HPS1: variants seen among roughly 807,000 people sequenced by gnomAD.
HPS1 encodes BLOC-3 complex member HPS1.
A neutral mutation model predicts 90.6 loss-of-function variants in HPS1; 59 were observed. The ratio of observed to expected loss-of-function variants is 0.65; its 90% CI spans 0.53 to 0.81. The LOEUF (loss-of-function observed/expected upper bound fraction) is 0.81. Ranked by LOEUF, HPS1 falls within the 30% of genes least tolerant of loss-of-function variation. The pLI is 0.00. For missense variants in HPS1, 849 were observed against 896.7 expected, an observed-to-expected ratio of 0.95 and a Z score of 0.68; for synonymous variants, 388 against 384.4, an observed-to-expected ratio of 1.01 and a Z score of -0.11.
Position 98,443,211 on chromosome 10 carries a change from G to GC in HPS1, c.29dup (p.Ala11ArgfsTer13). On this transcript the variant is annotated frameshift_variant, in exon 3 of 20. Transcript: ENST00000361490. LOFTEE classifies it high-confidence loss of function. ...CTGTCCAGTAGAAGAGGACCTCTGC[G>GC]CCCTCAGTGGCCACCAAGACGCACT... 1 of 1,613,922 alleles carries GC rather than the reference G, an allele frequency of 6.2e-7. No homozygotes were observed. The highest frequency in any genetic ancestry group is 8.5e-7 in the Non-Finnish European group (1 of 1,179,916).
downstream of HPS1, chr10:98,415,097 G>C (rs372286594): frequency 1.9e-6 from 3 of 1,613,880 alleles, no homozygotes; most frequent in Non-Finnish European, 2.5e-6. Flanking sequence ...AGGGAGAGGC[G>C]GCCACAGCCT....
chr10:98,435,573 G>A lies in HPS1; in HGVS notation c.255+62C>T. The A allele has an allele frequency of 1.9e-6, 3 of 1,609,362 alleles. No homozygotes were observed. In the South Asian group the frequency reaches 3.3e-5, roughly 18 times the overall value. On this transcript the variant is annotated intron_variant, in intron 4 of 19. Coordinates refer to ENST00000361490, the MANE Select transcript of HPS1 (RefSeq NM_000195.5). This position sits in a 1 kb window ranked among gnomAD's most constrained non-coding sequence, Gnocchi z 4.3. ...GAGTCTAAAGTTCCAAATAAGAGAG[G>A]CCTGTGGACTCCCCATCAAGCTGAG...
At position 98,445,143 on chromosome 10, in the gene HPS1, G is replaced by C. The variant is rs371568335; in HGVS notation, c.-1+157C>G. On this transcript the variant is annotated intron_variant, in intron 2 of 19. Coordinates refer to ENST00000361490, the MANE Select transcript of HPS1 (RefSeq NM_000195.5). This position sits in a 1 kb window ranked among gnomAD's most constrained non-coding sequence, Gnocchi z 4.5. ...AGGAGAGATGAGGCATCAGGATGGGGGTGGCCTCAGGATGCAGGGCTGGGG... is the reference window on the plus strand; with the variant it reads ...AGGAGAGATGAGGCATCAGGATGGGCGTGGCCTCAGGATGCAGGGCTGGGG... Among the ~76,000 whole-genome samples the C allele has an allele frequency of 1.3e-5, 2 of 152,138 alleles. No individual in the cohort carries two copies. The highest frequency in any genetic ancestry group is 3.9e-4 in the East Asian group (2 of 5,184).
At position 98,425,945 on chromosome 10, in the gene HPS1, G is replaced by A; in HGVS notation, c.1028C>T (p.Pro343Leu). 1 of 1,614,160 alleles carries A rather than the reference G, an allele frequency of 6.2e-7. No homozygotes were observed. Residue 343 changes from proline to leucine, a missense_variant, in exon 12 of 20, where the codon CCT becomes CTT. Transcript: ENST00000361490. ...DTLQTLVPHC[P>L]VPSGPRRIFL... ...GATCCTTCTGGGGCCGGAAGGCACA[G>A]GGCAGTGGGGAACCAGTGTTTGGAG...
At position 98,435,108 on chromosome 10, in the gene HPS1, A is replaced by G; in HGVS notation, c.398+164T>C. 1 of 745,954 alleles carries G rather than the reference A, an allele frequency of 1.3e-6. No individual in the cohort carries two copies. Among genetic ancestry groups the G allele is most frequent in the Non-Finnish European group, 2.3e-6 (1 of 438,608 alleles). 46.2% of individuals were successfully genotyped at this position (745,954 alleles called of 1,614,324 possible). On this transcript the variant is annotated intron_variant, in intron 5 of 19. Transcript: ENST00000361490. The surrounding 1 kb of genome is among the most constrained non-coding windows in gnomAD (Gnocchi z 4.3). ...TCACCAGATATAAAGTCAGAGGGTCAGACCAGATGGTCTCCAAGGTTCACT... is the reference window on the plus strand; with the variant it reads ...TCACCAGATATAAAGTCAGAGGGTCGGACCAGATGGTCTCCAAGGTTCACT...
intron 19 of HPS1, 119 bp downstream of exon 19, chr10:98,418,056 G>A: frequency 1.4e-6 from 1 of 726,692 alleles, no homozygotes; most frequent in East Asian, 2.5e-5. Context: ...GGTGTTCCCA[G>A]CGTGGATTTC....
rs117096222 is a variant in HPS1, at chr10:98,441,391, T to A, written c.117+1733A>T. 3.0e-3 allele frequency among the ~76,000 whole-genome samples: 457 copies of A among 152,290 alleles called. 1 individual carries two copies. The highest frequency in any genetic ancestry group is 5.3e-3 in the Non-Finnish European group (360 of 68,014). On this transcript the variant is annotated intron_variant, in intron 3 of 19. Transcript: ENST00000361490. ...ACACACAAAAATTCAAAGTAGATCA[T>A]CAGACCTGATATAAAACCTAAAACT...
intron 6 of HPS1, 117 bp downstream of exon 6, chr10:98,433,866 G>C: frequency 7.1e-7 from 1 of 1,408,246 alleles, no homozygotes; most frequent in Non-Finnish European, 9.7e-7. Context: ...CTGAATACAC[G>C]AGTTTCAGGG....
chr10:98,423,273 A>C (rs1591036858), intron 16 of HPS1, among the ~76,000 whole-genome samples: 3 of 129,908 alleles, frequency 2.3e-5, no homozygotes, highest in Admixed American at 8.1e-5. Context: ...AAACTAGACC[A>C]CAGGAACCCC....
chr10:98,423,475 G>T (rs548211156), intron 16 of HPS1, 128 bp downstream of exon 16: 3 of 862,568 alleles, frequency 3.5e-6, no homozygotes, highest in Non-Finnish European at 6.0e-6. Context: ...CAGAGAGGTG[G>T]TGAGCAGCTG....
In HPS1 at chr10:98,425,674, C is replaced by A. The variant is rs780083145; in HGVS notation, c.1202G>T (p.Gly401Val). ...CAGCTTCTTCTCCAGCATGGAGAAG[C>A]CATCCATCAGCTGGGACAGAACCAG... ...LALVLSQLMD[G>V]FSMLEKKLKE... The change falls in exon 13 of 20, where the codon GGC (glycine) becomes GTC (valine). Residue 401 changes from glycine to valine, a missense_variant. Gly to Val is a moderately radical substitution (Grantham distance 109). Coordinates refer to ENST00000361490, the MANE Select transcript of HPS1 (RefSeq NM_000195.5). 1.2e-6 allele frequency: 2 copies of A among 1,613,520 alleles called. No individual in the cohort carries two copies. Among genetic ancestry groups the A allele is most frequent in the South Asian group, 1.1e-5 (1 of 91,070 alleles).
At position 98,423,814 on chromosome 10, in the gene HPS1, G is replaced by C; in HGVS notation, c.1471C>G (p.Pro491Ala). 1 of 1,613,996 alleles carries C rather than the reference G, an allele frequency of 6.2e-7. No homozygotes were observed. Residue 491 changes from proline to alanine, a missense_variant, in exon 15 of 20, where the codon CCC becomes GCC. Pro to Ala is a conservative substitution (Grantham distance 27). Coordinates refer to ENST00000361490, the MANE Select transcript of HPS1 (RefSeq NM_000195.5). ...GGCAGGTGTGGGCCTCCCCTGCTGG[G>C]GGCTGTGGTCAGAAAGTTCAGCCGG... ...IYRLNFLTTA[P>A]SRGGPHLPQH...
In HPS1 at chr10:98,420,109, G is replaced by T; in HGVS notation, c.1793C>A (p.Thr598Asn). The change falls in exon 18 of 20, where the codon ACC (threonine) becomes AAC (asparagine). Residue 598 changes from threonine to asparagine, a missense_variant. Thr to Asn is a moderately conservative substitution (Grantham distance 65, BLOSUM62 0). Transcript: ENST00000361490. The part of the protein sequence containing the change: ...LARRYLQKGY[T>N]TLLFQEGDFY... ...ATCCCCCTCCTGGAACAGCAGCGTG[G>T]TGTAGCCCTTCTGCAGGTATCTGCG... The T allele has an allele frequency of 6.2e-7, 1 of 1,614,112 alleles. No individual in the cohort carries two copies.
At position 98,418,173 on chromosome 10, in the gene HPS1, A is replaced by G. The variant is rs972096803; in HGVS notation, c.1940+2T>C. On this transcript the variant is annotated splice_donor_variant, in intron 19 of 19. Coordinates refer to ENST00000361490, the MANE Select transcript of HPS1 (RefSeq NM_000195.5). LOFTEE classifies it high-confidence loss of function. The stretch of plus-strand genomic sequence containing the variant: ...CCCCAGTGGCTCCCAACGCAGCGTC[A>G]CCTGTAGTAGTCTCCTCCCAGCATG... 12 of 1,594,862 alleles carry G rather than the reference A, an allele frequency of 7.5e-6. No individual in the cohort carries two copies. Among genetic ancestry groups the G allele is most frequent in the Non-Finnish European group, 1.0e-5 (12 of 1,165,632 alleles).
chr10:98,433,145 T>C (rs1846743679), intron 6 of HPS1, among the ~76,000 whole-genome samples: 1 of 151,488 alleles, frequency 6.6e-6, no homozygotes, highest in Non-Finnish European at 1.5e-5. Flanking sequence ...GGCAGGAGAA[T>C]TGCTTGAACC....
chr10:98,420,446 G>T (rs1332908823), intron 17 of HPS1: 15 of 380,906 alleles, frequency 3.9e-5, no homozygotes, highest in Admixed American at 3.7e-5. Flanking sequence ...TAGTGTGGTG[G>T]CTTACGCCTG....
At chr10:98,429,498 C>T (rs1309939284) in intron 10 of HPS1, 75 bp downstream of exon 10, 3 of 1,611,620 alleles carry the variant, frequency 1.9e-6, no homozygotes, top group African/African-American at 2.7e-5. Context: ...TCCACTGGAG[C>T]CTAAGACAGA....
chr10:98,423,571 T>C (rs758321557), intron 16 of HPS1, 32 bp downstream of exon 16: 2 of 1,608,140 alleles, frequency 1.2e-6, no homozygotes, highest in Non-Finnish European at 1.7e-6. Flanking sequence ...AAGAGGCTTG[T>C]TGGGCTGGCT....
At position 98,418,258 on chromosome 10, in the gene HPS1, C is replaced by G. The variant is rs758797992; in HGVS notation, c.1858-1G>C. 1 of 1,598,668 alleles carries G rather than the reference C, an allele frequency of 6.3e-7. No individual in the cohort carries two copies. Among genetic ancestry groups the G allele is most frequent in the African/African-American group, 1.3e-5 (1 of 74,568 alleles). Reference sequence around the variant, plus strand: ...CCTCGATCATCTGGAGTTTGTACCCCTGAGGAGGGAGGACAGGGAGGCAGT... The same window carrying G: ...CCTCGATCATCTGGAGTTTGTACCCGTGAGGAGGGAGGACAGGGAGGCAGT... On this transcript the variant is annotated splice_acceptor_variant, in intron 18 of 19. Transcript: ENST00000361490. LOFTEE classifies it high-confidence loss of function.
Sources: allele counts gnomAD v4.1 joint callset (sites outside exome capture counted in the v4.1 genomes callset), GRCh38; gene constraint gnomAD v4.1.1; non-coding constraint Gnocchi (gnomAD v3.1); transcripts MANE v1.5; gene names NCBI Gene and HGNC (gene_info 2026-07-23, HGNC 2026-07-21).